The following KLHL5 variants were observed in gnomAD, a reference collection of about 807,000 sequenced individuals.
KLHL5 encodes kelch-like protein 5.
KLHL5 carries 48 observed loss-of-function variants against 77.7 expected under a neutral mutation model. The ratio of observed to expected loss-of-function variants is 0.62; its 90% confidence interval spans 0.49 to 0.79. The LOEUF is 0.79. Ranked by LOEUF, KLHL5 falls within the 30% of genes least tolerant of loss-of-function variation. The pLI is 0.00. For synonymous variants in KLHL5, 260 were observed against 297.0 expected (o/e 0.88, Z 1.28); for missense variants, 723 against 859.7 (o/e 0.84, Z 1.99).
At chr4:39,056,591 C>T (rs115741158) in intron 1 of KLHL5, among the ~76,000 whole-genome samples, 1,583 of 152,188 alleles carry the variant, frequency 0.01, 28 homozygotes, top group African/African-American at 0.036. Context: ...GAATAGAATA[C>T]AAACATAACC....
In KLHL5 at chr4:39,081,488, C is replaced by G. The variant is rs974426675; in HGVS notation, c.703+249C>G. On this transcript the variant is annotated intron_variant, in intron 3 of 10. Coordinates refer to ENST00000504108, the MANE Select transcript of KLHL5 (RefSeq NM_015990.5). This position sits in a 1 kb window ranked among gnomAD's most constrained non-coding sequence, Gnocchi z 4.3. ...AAAAATTAAATGAATTACATAGTGT[C>G]AAATTTTTGCATTTAAAATTTGAGA... Among the ~76,000 whole-genome samples the G allele has an allele frequency of 5.3e-5, 8 of 152,006 alleles. No homozygotes were observed. The highest frequency in any genetic ancestry group is 1.9e-4 in the African/African-American group (8 of 41,400).
At chr4:39,075,191 C>T (rs2712011) in intron 1 of KLHL5, among the ~76,000 whole-genome samples, 110,023 of 151,814 alleles carry the variant, frequency 0.72, 40,046 homozygotes, top group East Asian at 0.82. Context: ...AGTAGCTGGG[C>T]GTGGTGGTGC....
downstream of KLHL5, among the ~76,000 whole-genome samples, chr4:39,130,797 G>A (rs761952748): frequency 3.3e-5 from 5 of 151,744 alleles, no homozygotes; most frequent in African/African-American, 4.8e-5. Flanking sequence ...CCTCAAGCAC[G>A]TTTACAAGAG....
chr4:39,101,290 A>G (rs1721523531), intron 6 of KLHL5, among the ~76,000 whole-genome samples: 1 of 151,748 alleles, frequency 6.6e-6, no homozygotes, highest in South Asian at 2.1e-4. Flanking sequence ...TATTCCCTAA[A>G]TGTATTCATG....
chr4:39,118,927 A>G (rs1723034401), intron 10 of KLHL5, among the ~76,000 whole-genome samples: 1 of 152,178 alleles, frequency 6.6e-6, no homozygotes, highest in Non-Finnish European at 1.5e-5. Flanking sequence ...CTTAAGTGAG[A>G]TCACTTGATG....
intron 2 of KLHL5, among the ~76,000 whole-genome samples, chr4:39,077,162 T>A (rs2109356538): frequency 6.6e-6 from 1 of 151,896 alleles, no homozygotes; most frequent in African/African-American, 2.4e-5. Context: ...CCAACAAGCA[T>A]ATGAAAACAT....
chr4:39,069,431 TA>T (rs1258659302), intron 1 of KLHL5, among the ~76,000 whole-genome samples: 5 of 20,458 alleles, frequency 2.4e-4, no homozygotes, highest in African/African-American at 1.2e-3. Context: ...ATTAACATTT[TA>T]TATATATATA....
Position 39,126,182 on chromosome 4 carries a change from ACT to A in KLHL5, c.*5119_*5120del, listed in dbSNP as rs1178936432. On this transcript the variant is annotated 3_prime_UTR_variant, in exon 11 of 11. Coordinates refer to ENST00000504108, the MANE Select transcript of KLHL5 (RefSeq NM_015990.5). ...TCTGTAATATTTGAAATTATTGATA[ACT>A]CTTACACAAAAACAAATATTCAATA... 6.6e-6 allele frequency among the ~76,000 whole-genome samples: 1 copy of A among 152,146 alleles called. No individual in the cohort carries two copies. Among genetic ancestry groups the A allele is most frequent in the African/African-American group, 2.4e-5 (1 of 41,422 alleles).
At chr4:39,077,836 G>A (rs1719224793) in intron 2 of KLHL5, among the ~76,000 whole-genome samples, 1 of 151,952 alleles carries the variant, frequency 6.6e-6, no homozygotes, top group African/African-American at 2.4e-5. Flanking sequence ...CAAGTTTATA[G>A]CACCACAATT....
intron 10 of KLHL5, among the ~76,000 whole-genome samples, chr4:39,120,563 C>T (rs531002335): frequency 1.4e-4 from 22 of 152,242 alleles, no homozygotes; most frequent in African/African-American, 5.1e-4. Context: ...TAAGCAGATC[C>T]CCAGGCATTC....
Position 39,076,062 on chromosome 4 carries a change from T to G in KLHL5, c.481T>G (p.Phe161Val), listed in dbSNP as rs774321542. Residue 161 changes from phenylalanine (F) to valine (V), a missense_variant, in exon 2 of 11, where the codon TTT (phenylalanine) becomes GTT (valine). Around this residue, in one of 3 missense-constraint regions of KLHL5, gnomAD observed 221 missense variants for 222.1 expected, o/e 1.00. Transcript: ENST00000504108. ...FQALNHAEQT[F>V]KKMENYLRHK... Reference sequence around the variant, plus strand: ...AGCCCTTAATCATGCCGAGCAAACATTTAAAAAAATGGAAAACTATTTGAG... The same window carrying G: ...AGCCCTTAATCATGCCGAGCAAACAGTTAAAAAAATGGAAAACTATTTGAG... 25 of 1,608,176 alleles carry G rather than the reference T, an allele frequency of 1.6e-5. No homozygotes were observed.
rs1188846655 is a variant in KLHL5 at position 39,080,784 on chromosome 4, A to G, written c.567-319A>G. Among the ~76,000 whole-genome samples the G allele has an allele frequency of 2.0e-5, 3 of 152,132 alleles. No homozygotes were observed. In the East Asian group the frequency reaches 5.8e-4, roughly 29 times the overall value. The stretch of plus-strand genomic sequence containing the variant: ...TTAAAAATGGCTTAGTTTATTTTCA[A>G]AAATGATAAACAATAACTTTTAAAT... On this transcript the variant is annotated intron_variant, in intron 2 of 10. Coordinates refer to ENST00000504108, the MANE Select transcript of KLHL5 (RefSeq NM_015990.5).
chr4:39,107,150 C>T (rs986239248), intron 7 of KLHL5, among the ~76,000 whole-genome samples: 3 of 151,556 alleles, frequency 2.0e-5, no homozygotes, highest in African/African-American at 4.9e-5. Flanking sequence ...AAGGCTCAAG[C>T]GATCCTCCTG....
intron 1 of KLHL5, 84 bp downstream of exon 1, chr4:39,063,119 A>T: frequency 1.0e-6 from 1 of 957,700 alleles, no homozygotes; most frequent in East Asian, 2.8e-5. Flanking sequence ...TTATTATTTA[A>T]AATCTGATTA....
intron 2 of KLHL5, among the ~76,000 whole-genome samples, chr4:39,078,794 A>C (rs1719337155): frequency 6.6e-6 from 1 of 152,140 alleles, no homozygotes; most frequent in Non-Finnish European, 1.5e-5. Context: ...CATTGGGTAC[A>C]GTGTACTCTG....
intron 2 of KLHL5, among the ~76,000 whole-genome samples, chr4:39,077,303 C>CA (rs775916929): frequency 1.0e-4 from 15 of 150,728 alleles, no homozygotes; most frequent in East Asian, 3.9e-4. Context: ...CTAAAAATAA[C>CA]AAAAAAAAAT....
intron 5 of KLHL5, among the ~76,000 whole-genome samples, chr4:39,095,169 A>C (rs1720943582): frequency 2.6e-5 from 4 of 152,190 alleles, no homozygotes; most frequent in Admixed American, 2.6e-4. Flanking sequence ...GAGGCAGATA[A>C]AGGAAGAAAA....
intron 8 of KLHL5, chr4:39,112,770 C>T: frequency 4.6e-6 from 2 of 432,584 alleles, no homozygotes; most frequent in East Asian, 4.3e-5. Flanking sequence ...AAAGAGATGG[C>T]AGTGATGAAA....
In KLHL5 at chr4:39,122,206, G is replaced by A. The variant is rs1243726574; in HGVS notation, c.*1140G>A. The A allele has an allele frequency of 6.6e-6, 1 of 152,438 alleles. No homozygotes were observed. The highest frequency in any genetic ancestry group is 1.5e-5 in the Non-Finnish European group (1 of 68,036). The allele number at this position is 152,438 out of a possible 1,614,324, so 9.4% of individuals were successfully genotyped here. Reference sequence around the variant, plus strand: ...TTGTGATAAATCCTATAAGATATAAGTCATTGAGATGTCTAAGATGCTTTT... The same window carrying A: ...TTGTGATAAATCCTATAAGATATAAATCATTGAGATGTCTAAGATGCTTTT... On this transcript the variant is annotated 3_prime_UTR_variant, in exon 11 of 11. Coordinates refer to ENST00000504108, the MANE Select transcript of KLHL5 (RefSeq NM_015990.5).
Sources: gnomAD v4.1 joint callset for allele counts (sites outside exome capture counted in the v4.1 genomes callset) on GRCh38, gnomAD v4.1.1 for gene constraint, gnomAD v4.1.1 regional missense constraint, Gnocchi (gnomAD v3.1) non-coding constraint, MANE v1.5 for transcripts, NCBI Gene and HGNC (gene_info 2026-07-23, HGNC 2026-07-21) for gene names.